Variants in KDM4C observed in about 807,000 individuals in gnomAD.
KDM4C encodes lysine demethylase 4C.
In KDM4C, 81 loss-of-function variants were observed where a neutral mutation model predicts 129.3. The observed-to-expected ratio is 0.63, with a 90% confidence interval of 0.52 to 0.75. The LOEUF (loss-of-function observed/expected upper bound fraction) is 0.75. KDM4C is among the 30% of genes least tolerant of loss of function. The pLI, the probability that KDM4C is intolerant of heterozygous loss-of-function variation, is 0.00. For synonymous variants in KDM4C, 573 were observed against 456.1 expected (o/e 1.26, Z -3.26); for missense variants, 1,457 against 1,304.0 (o/e 1.12, Z -1.81).
chr9:6,865,144 G>A (rs1183231262), intron 5 of KDM4C, among the ~76,000 whole-genome samples: 1 of 151,852 alleles, frequency 6.6e-6, no homozygotes, highest in Admixed American at 6.6e-5. Flanking sequence ...GAGTAGCTGG[G>A]ACTGCAGGTG....
chr9:6,942,818 G>C (rs956929489), intron 8 of KDM4C, among the ~76,000 whole-genome samples: 1 of 152,146 alleles, frequency 6.6e-6, no homozygotes, highest in African/African-American at 2.4e-5. Context: ...AGCATAGGGG[G>C]AGTAAAGGAT....
intron 1 of KDM4C, among the ~76,000 whole-genome samples, chr9:6,787,154 C>G (rs76425857): frequency 0.031 from 4,658 of 152,222 alleles, 103 homozygotes; most frequent in Non-Finnish European, 0.045. Context: ...AGGTCAAGGT[C>G]TAGGTTTAAT....
chr9:6,817,763 CTTTTTTTTTTTTT>C (rs146833868), intron 4 of KDM4C, among the ~76,000 whole-genome samples: 1 of 105,094 alleles, frequency 9.5e-6, no homozygotes, highest in African/African-American at 3.9e-5. Context: ...CAGGAATAAC[CTTTTTTTTTTTTT>C]TTTTTTTTGA....
chr9:6,834,786 A>T lies in KDM4C; in HGVS notation c.436-14721A>T. ...ATGCTGCTGACCGAGGCCCCCCTGA[A>T]CCCCAAGGCCAGCCGCGAGAAGATG... On this transcript the variant is annotated intron_variant, in intron 4 of 21. Transcript: ENST00000381309. 3 of 1,308,416 alleles carry T rather than the reference A, an allele frequency of 2.3e-6. No homozygotes were observed. In the Admixed American group the frequency reaches 5.1e-5, roughly 22 times the overall value. The allele number at this position is 1,308,416 out of a possible 1,614,324, so 81.1% of individuals were successfully genotyped here.
At chr9:6,909,131 A>G (rs1818834111) in intron 8 of KDM4C, among the ~76,000 whole-genome samples, 3 of 152,248 alleles carry the variant, frequency 2.0e-5, no homozygotes. Flanking sequence ...TGAAAATGCT[A>G]AAACCTACAT....
intron 15 of KDM4C, among the ~76,000 whole-genome samples, chr9:7,039,928 A>G (rs1209111734): frequency 2.0e-5 from 3 of 152,030 alleles, no homozygotes; most frequent in Non-Finnish European, 4.4e-5. Context: ...TGTGGCTCAT[A>G]TCATTTTGCA....
At chr9:6,722,166 C>T (rs543291473) in intron 1 of KDM4C, among the ~76,000 whole-genome samples, 10 of 152,244 alleles carry the variant, frequency 6.6e-5, no homozygotes, top group African/African-American at 2.4e-4. Flanking sequence ...GGTAAGGTCA[C>T]GAAGCCTTTT....
intron 5 of KDM4C, among the ~76,000 whole-genome samples, chr9:6,851,608 A>C (rs1838861370): frequency 6.6e-6 from 1 of 152,240 alleles, no homozygotes; most frequent in African/African-American, 2.4e-5. Flanking sequence ...AGTTAGTAGC[A>C]AAACTTTTCT....
chr9:7,097,671 C>G (rs1017285876), intron 17 of KDM4C, among the ~76,000 whole-genome samples: 3 of 152,160 alleles, frequency 2.0e-5, no homozygotes, highest in Admixed American at 2.0e-4. Context: ...TGCTGCCTCG[C>G]CTTGCCCTGC....
At chr9:7,130,487 G>A (rs909218792) in intron 19 of KDM4C, among the ~76,000 whole-genome samples, 6 of 152,164 alleles carry the variant, frequency 3.9e-5, no homozygotes, top group Admixed American at 1.3e-4. Flanking sequence ...ACACTTGAGT[G>A]TTGTGAGAAG....
rs185021679 is a variant in KDM4C, at chr9:7,066,950, T to C, written c.2424+17750T>C. 1.7e-3 allele frequency among the ~76,000 whole-genome samples: 266 copies of C among 152,344 alleles called. 1 individual carries two copies. The highest frequency in any genetic ancestry group is 6.7e-3 in the Admixed American group (102 of 15,300). On this transcript the variant is annotated intron_variant, in intron 17 of 21. Coordinates refer to ENST00000381309, the MANE Select transcript of KDM4C (RefSeq NM_015061.6). ...AATATGAACATTACAGAGCTGTTTATTTGGCAGGTCAACTTAAAAACAAGA... is the reference window on the plus strand; with the variant it reads ...AATATGAACATTACAGAGCTGTTTACTTGGCAGGTCAACTTAAAAACAAGA...
rs372823256 is a variant in KDM4C, at chr9:7,174,746, C to T, written c.*17C>T. 1.3e-5 allele frequency: 21 copies of T among 1,609,426 alleles called. No individual in the cohort carries two copies. The African/African-American group carries it at 2.5e-4, about 19-fold the overall frequency. ...AGACAGTAGTCTGCATACATCGCTG[C>T]AGGCCACAGAGCAGCTTGGGTTGGA... On this transcript the variant is annotated 3_prime_UTR_variant, in exon 22 of 22. Transcript: ENST00000381309.
At chr9:6,825,721 G>T (rs1833767418) in intron 4 of KDM4C, among the ~76,000 whole-genome samples, 1 of 152,146 alleles carries the variant, frequency 6.6e-6, no homozygotes, top group African/African-American at 2.4e-5. Context: ...CTGGCCTATT[G>T]CTTTTGTTAT....
chr9:6,808,064 G>A (rs112676405), intron 3 of KDM4C, among the ~76,000 whole-genome samples: 81 of 43,014 alleles, frequency 1.9e-3, no homozygotes, highest in African/African-American at 2.9e-3. Context: ...GGCCGCCCCT[G>A]CTGGGAAGTG....
chr9:6,785,295 T>C (rs557718505), intron 1 of KDM4C, among the ~76,000 whole-genome samples: 15 of 151,982 alleles, frequency 9.9e-5, no homozygotes, highest in African/African-American at 3.1e-4. Flanking sequence ...CCTGCCTCCA[T>C]CTTCACATGG....
intron 1 of KDM4C, among the ~76,000 whole-genome samples, chr9:6,790,218 CAAAT>C (rs1247752969): frequency 6.6e-6 from 1 of 151,464 alleles, no homozygotes; most frequent in Non-Finnish European, 1.5e-5. Context: ...TTTCTTTAAA[CAAAT>C]AATGACTACA....
intron 5 of KDM4C, among the ~76,000 whole-genome samples, chr9:6,852,774 T>G (rs953241882): frequency 1.7e-4 from 26 of 152,190 alleles, no homozygotes; most frequent in African/African-American, 6.3e-4. Context: ...TGGATGGGAT[T>G]ATTGCAAAGA....
intron 19 of KDM4C, among the ~76,000 whole-genome samples, chr9:7,139,583 A>C (rs1051267982): frequency 2.6e-5 from 4 of 152,214 alleles, no homozygotes; most frequent in African/African-American, 9.6e-5. Flanking sequence ...CTGTCTCATC[A>C]CACTATAACC....
At chr9:7,054,917 C>G (rs377013897) in intron 17 of KDM4C, among the ~76,000 whole-genome samples, 15 of 152,134 alleles carry the variant, frequency 9.9e-5, no homozygotes, top group African/African-American at 3.6e-4. Context: ...TAAATCACAT[C>G]TTTCAATGCA....
Sources: gnomAD v4.1 joint callset for allele counts (sites outside exome capture counted in the v4.1 genomes callset) on GRCh38, gnomAD v4.1.1 for gene constraint, MANE v1.5 for transcripts, NCBI Gene and HGNC (gene_info 2026-07-23, HGNC 2026-07-21) for gene names.